ZNF423: variants seen among roughly 807,000 people sequenced by gnomAD.
The protein encoded by ZNF423 is Ebf-associated zinc finger protein.
ZNF423 carries 12 observed loss-of-function variants against 95.8 expected under a neutral mutation model. The observed-to-expected ratio is 0.13, with a 90% CI of 0.08 to 0.20. The LOEUF (loss-of-function observed/expected upper bound fraction) is 0.20, where lower values mean the gene tolerates loss of function less well. Ranked by LOEUF, ZNF423 falls within the 10% of genes least tolerant of loss-of-function variation. The pLI is 1.00. For missense variants in ZNF423, 1,316 were observed against 1,737.1 expected (o/e 0.76, Z 4.31); for synonymous variants, 749 against 711.9 (o/e 1.05, Z -0.83).
chr16:49,746,861 C>A (rs559616046), intron 2 of ZNF423, among the ~76,000 whole-genome samples: 2 of 152,342 alleles, frequency 1.3e-5, no homozygotes, highest in South Asian at 4.1e-4. Flanking sequence ...CGAAGCAGCA[C>A]CTCACGGTGC....
intron 3 of ZNF423, among the ~76,000 whole-genome samples, chr16:49,670,881 AAAAAGCTGGTATGATGGG>A (rs1446570279): frequency 6.6e-6 from 1 of 152,188 alleles, no homozygotes; most frequent in Non-Finnish European, 1.5e-5. Flanking sequence ...TGGGCTCTTT[AAAAAGCTGGTATGATGGG>A]AATGGAATTG....
At chr16:49,607,252 G>A (rs953869734) in intron 5 of ZNF423, among the ~76,000 whole-genome samples, 3 of 152,082 alleles carry the variant, frequency 2.0e-5, no homozygotes, top group Non-Finnish European at 2.9e-5. Flanking sequence ...AGTGAAAGGT[G>A]CCTTTTGTGG....
At chr16:49,817,074 G>A (rs2034867062) in intron 1 of ZNF423, among the ~76,000 whole-genome samples, 1 of 152,220 alleles carries the variant, frequency 6.6e-6, no homozygotes, top group African/African-American at 2.4e-5. Flanking sequence ...GACACTTGGT[G>A]TCTTTCCAGC....
intron 5 of ZNF423, among the ~76,000 whole-genome samples, chr16:49,539,432 A>G (rs187776008): frequency 1.2e-4 from 19 of 152,262 alleles, no homozygotes; most frequent in African/African-American, 4.6e-4. Context: ...GGCACAGCAC[A>G]TGAACAGAAG....
At chr16:49,727,743 C>T (rs1337738510) in intron 3 of ZNF423, among the ~76,000 whole-genome samples, 2 of 152,206 alleles carry the variant, frequency 1.3e-5, no homozygotes, top group Non-Finnish European at 2.9e-5. Context: ...TCCTGAGAAG[C>T]AGGCCCTCTG....
intron 2 of ZNF423, among the ~76,000 whole-genome samples, chr16:49,763,264 GT>G (rs1281903608): frequency 6.6e-6 from 1 of 151,698 alleles, no homozygotes. Context: ...GGGTTTTTTG[GT>G]TTTTGTTTTT....
At chr16:49,621,283 C>T (rs9927556) in intron 5 of ZNF423, among the ~76,000 whole-genome samples, 33,616 of 152,008 alleles carry the variant, frequency 0.22, 4,144 homozygotes, top group African/African-American at 0.33. Context: ...AGGGAAGGGG[C>T]CTCATTCTCC....
At chr16:49,836,180 G>A (rs1052181559) in intron 1 of ZNF423, among the ~76,000 whole-genome samples, 10 of 152,210 alleles carry the variant, frequency 6.6e-5, no homozygotes, top group African/African-American at 2.2e-4. Context: ...CAGAGGTGCT[G>A]GCCTAGTTGT....
chr16:49,650,872 G>A (rs988474265), intron 3 of ZNF423, among the ~76,000 whole-genome samples: 4 of 152,218 alleles, frequency 2.6e-5, no homozygotes, highest in Non-Finnish European at 5.9e-5. Context: ...ATGGGTCATA[G>A]GTCATCATGG....
chr16:49,768,413 G>C (rs986209496), intron 2 of ZNF423, among the ~76,000 whole-genome samples: 1 of 152,180 alleles, frequency 6.6e-6, no homozygotes, highest in Non-Finnish European at 1.5e-5. Flanking sequence ...CCTTCCACAC[G>C]TCTCCTGCAA....
chr16:49,746,468 A>G (rs1326274278), intron 2 of ZNF423, among the ~76,000 whole-genome samples: 1 of 152,108 alleles, frequency 6.6e-6, no homozygotes, highest in East Asian at 1.9e-4. Context: ...TGCTATTGCC[A>G]AAAAGACAGG....
intron 5 of ZNF423, among the ~76,000 whole-genome samples, chr16:49,621,458 G>A (rs1169952961): frequency 6.6e-6 from 1 of 152,148 alleles, no homozygotes; most frequent in Non-Finnish European, 1.5e-5. Flanking sequence ...AACTCCCAGG[G>A]TCTCCGGGCT....
chr16:49,841,593 G>A (rs1186146466), intron 1 of ZNF423, among the ~76,000 whole-genome samples: 12 of 152,126 alleles, frequency 7.9e-5, no homozygotes, highest in South Asian at 2.1e-4. Flanking sequence ...AATGCTACCC[G>A]CTCTTCCAGG....
intron 5 of ZNF423, among the ~76,000 whole-genome samples, chr16:49,557,601 G>A (rs1013762230): frequency 4.6e-5 from 7 of 152,204 alleles, no homozygotes; most frequent in African/African-American, 1.7e-4. Context: ...GTGAGAGAAT[G>A]AAATGGCAGC....
At chr16:49,504,991 T>C (rs986437458) in intron 7 of ZNF423, among the ~76,000 whole-genome samples, 4 of 152,192 alleles carry the variant, frequency 2.6e-5, no homozygotes, top group African/African-American at 9.7e-5. Context: ...GTGTTTGCTC[T>C]GGCAGGGCAG....
At chr16:49,792,744 CA>C (rs1376617136) in intron 1 of ZNF423, among the ~76,000 whole-genome samples, 3 of 152,040 alleles carry the variant, frequency 2.0e-5, no homozygotes, top group Non-Finnish European at 4.4e-5. Flanking sequence ...AACAGAAAAA[CA>C]AAAACAGAAT....
intron 1 of ZNF423, among the ~76,000 whole-genome samples, chr16:49,795,018 C>T (rs1290920604): frequency 6.6e-6 from 1 of 151,938 alleles, no homozygotes; most frequent in Admixed American, 6.6e-5. Context: ...ATTACAGGCG[C>T]TTATCACCAT....
At chr16:49,623,271 C>T (rs887475861) in intron 5 of ZNF423, among the ~76,000 whole-genome samples, 1 of 152,204 alleles carries the variant, frequency 6.6e-6, no homozygotes, top group Non-Finnish European at 1.5e-5. Context: ...TCCAGCCCCC[C>T]AGCCAAGGCG....
At chr16:49,717,129 C>T (rs12934150) in intron 3 of ZNF423, among the ~76,000 whole-genome samples, 16,920 of 152,154 alleles carry the variant, frequency 0.11, 1,193 homozygotes, top group Non-Finnish European at 0.16. Context: ...GGCAGGTGTC[C>T]CTGGGGACTT....
Sources: allele counts gnomAD v4.1 joint callset (sites outside exome capture counted in the v4.1 genomes callset), GRCh38; gene constraint gnomAD v4.1.1; transcripts MANE v1.5; gene names NCBI Gene and HGNC (gene_info 2026-07-23, HGNC 2026-07-21).